Variants in CHST9 observed in about 807,000 individuals in gnomAD.
CHST9 encodes the protein carbohydrate sulfotransferase 9, also known as GalNAc-4-sulfotransferase 2.
In CHST9, 41 loss-of-function variants were observed where a neutral mutation model predicts 44.4. That is an observed-to-expected ratio of 0.92 (90% CI 0.72 to 1.20). The LOEUF (loss-of-function observed/expected upper bound fraction) is 1.20. Ranked by LOEUF, CHST9 falls within the 50% of genes most tolerant of loss-of-function variation. CHST9 has a pLI of 0.00. For synonymous variants in CHST9, 171 were observed against 178.4 expected, an observed-to-expected ratio of 0.96 and a Z score of 0.33; for missense variants, 504 against 516.5, an observed-to-expected ratio of 0.98 and a Z score of 0.23.
intron 2 of CHST9, among the ~76,000 whole-genome samples, chr18:27,097,456 T>C (rs2058128343): frequency 6.6e-6 from 1 of 151,954 alleles, no homozygotes; most frequent in Non-Finnish European, 1.5e-5. Context: ...AATCCAACTA[T>C]CTCTCTTTGT....
intron 2 of CHST9, among the ~76,000 whole-genome samples, chr18:27,057,881 G>T (rs1433368786): frequency 6.6e-6 from 1 of 152,152 alleles, no homozygotes; most frequent in African/African-American, 2.4e-5. Context: ...AGGTTGTCTT[G>T]GAAATTCCCA....
chr18:27,044,734 A>C (rs1236024484), intron 3 of CHST9, among the ~76,000 whole-genome samples: 1 of 152,068 alleles, frequency 6.6e-6, no homozygotes, highest in Non-Finnish European at 1.5e-5. Flanking sequence ...GAAATAGCCT[A>C]GAGAAAAATC....
At chr18:26,998,099 A>T (rs1399818585) in intron 4 of CHST9, among the ~76,000 whole-genome samples, 1 of 152,234 alleles carries the variant, frequency 6.6e-6, no homozygotes, top group East Asian at 1.9e-4. Flanking sequence ...CAGCTGAAGA[A>T]CAGCTTCTCA....
In CHST9 at chr18:27,058,314, A is replaced by G. The variant is rs116093951; in HGVS notation, c.122-9811T>C. ...CTTTGGTGTGTTTATTATATTGAGA[A>G]AAACTGGAATGAATTATTTTGTAAA... is the stretch of plus-strand genomic sequence containing the variant. On this transcript the variant is annotated intron_variant, in intron 2 of 5. Coordinates refer to ENST00000618847, the MANE Select transcript of CHST9 (RefSeq NM_031422.6). Among the ~76,000 whole-genome samples the G allele has an allele frequency of 6.0e-3, 921 of 152,294 alleles. 14 individuals are homozygous for G. The highest frequency in any genetic ancestry group is 0.021 in the African/African-American group (858 of 41,562).
intron 2 of CHST9, among the ~76,000 whole-genome samples, chr18:27,137,298 T>TTG (rs1359719984): frequency 1.7e-4 from 6 of 35,300 alleles, no homozygotes; most frequent in Admixed American, 6.7e-4. Flanking sequence ...ATTGATTTAT[T>TTG]TATATATGTG....
chr18:27,029,776 T>G (rs956097456), intron 3 of CHST9, among the ~76,000 whole-genome samples: 4 of 152,156 alleles, frequency 2.6e-5, no homozygotes, highest in African/African-American at 9.7e-5. Flanking sequence ...CAACCATGTT[T>G]TTTCCCCCAA....
chr18:26,964,285 T>C (rs1385063581), intron 4 of CHST9, among the ~76,000 whole-genome samples: 1 of 152,226 alleles, frequency 6.6e-6, no homozygotes, highest in African/African-American at 2.4e-5. Context: ...TAATTTTCAG[T>C]TGACGACCTT....
chr18:27,045,479 A>G (rs564262245), intron 3 of CHST9, among the ~76,000 whole-genome samples: 1 of 152,136 alleles, frequency 6.6e-6, no homozygotes, highest in African/African-American at 2.4e-5. Context: ...AATCTATGAA[A>G]TAGCTGATCT....
chr18:26,930,254 T>C (rs1291958691), intron 5 of CHST9, among the ~76,000 whole-genome samples: 1 of 152,216 alleles, frequency 6.6e-6, no homozygotes, highest in Non-Finnish European at 1.5e-5. Context: ...TATCAGATCA[T>C]GCCATGGGGA....
chr18:27,050,000 T>C lies in CHST9; in HGVS notation c.122-1497A>G, dbSNP rs1393063530. On this transcript the variant is annotated intron_variant, in intron 2 of 5. Coordinates refer to ENST00000618847, the MANE Select transcript of CHST9 (RefSeq NM_031422.6). ...AAAGTGCAGGCTCCGGTACCACAAA[T>C]CAAGTTTTAGAAGTATGGGGGTTTT... is the stretch of plus-strand genomic sequence containing the variant. Among the ~76,000 whole-genome samples, 5 of 152,116 alleles carry C rather than the reference T, an allele frequency of 3.3e-5. No individual in the cohort carries two copies. The East Asian group carries it at 9.6e-4, about 29-fold the overall frequency.
chr18:26,972,357 CAAAAAAAAAAAAAAAA>C (rs887066938), intron 4 of CHST9, among the ~76,000 whole-genome samples: 1 of 65,248 alleles, frequency 1.5e-5, no homozygotes, highest in African/African-American at 5.5e-5. Flanking sequence ...ACTCCAACTC[CAAAAAAAAAAAAAAAA>C]AAAAAAAAGG....
chr18:27,106,427 G>A (rs540525812), intron 2 of CHST9, among the ~76,000 whole-genome samples: 9 of 152,214 alleles, frequency 5.9e-5, no homozygotes, highest in East Asian at 3.9e-4. Flanking sequence ...GGATAAATTC[G>A]CCTACTAGCC....
chr18:26,943,753 A>G (rs163048), intron 5 of CHST9, among the ~76,000 whole-genome samples: 53,029 of 152,094 alleles, frequency 0.35, 9,918 homozygotes, highest in East Asian at 0.49. Flanking sequence ...AAACAGTTCT[A>G]TAGAAGGACA....
At chr18:27,060,473 T>C (rs948854856) in intron 2 of CHST9, among the ~76,000 whole-genome samples, 5 of 152,154 alleles carry the variant, frequency 3.3e-5, no homozygotes, top group Non-Finnish European at 7.4e-5. Context: ...GGAAGTAGGG[T>C]ACTCCAGGGA....
intron 2 of CHST9, among the ~76,000 whole-genome samples, chr18:27,077,944 T>C (rs2143669806): frequency 6.6e-6 from 1 of 152,072 alleles, no homozygotes; most frequent in South Asian, 2.1e-4. Context: ...GAAGCAAGCA[T>C]GTTTCCATGG....
intron 2 of CHST9, among the ~76,000 whole-genome samples, chr18:27,127,650 A>G (rs991848445): frequency 1.3e-5 from 2 of 152,218 alleles, no homozygotes; most frequent in East Asian, 1.9e-4. Context: ...GTTGTGCTTT[A>G]TTTTTAGACA....
chr18:27,114,992 T>G (rs2058307932), intron 2 of CHST9, among the ~76,000 whole-genome samples: 1 of 152,192 alleles, frequency 6.6e-6, no homozygotes, highest in Admixed American at 6.5e-5. Context: ...CCCCATGCTG[T>G]TCTCATGATA....
chr18:27,002,902 C>T (rs1482697411), intron 4 of CHST9, among the ~76,000 whole-genome samples: 1 of 152,040 alleles, frequency 6.6e-6, no homozygotes, highest in African/African-American at 2.4e-5. Context: ...ATGTTAATGG[C>T]AGAAATGTGA....
intron 4 of CHST9, among the ~76,000 whole-genome samples, chr18:27,007,551 T>C (rs1268545975): frequency 1.3e-5 from 2 of 151,998 alleles, no homozygotes; most frequent in East Asian, 1.9e-4. Context: ...GGAAAGAGGA[T>C]AGATTAAAAA....
Sources: gnomAD v4.1 joint callset for allele counts (sites outside exome capture counted in the v4.1 genomes callset) on GRCh38, gnomAD v4.1.1 for gene constraint, MANE v1.5 for transcripts, NCBI Gene and HGNC (gene_info 2026-07-23, HGNC 2026-07-21) for gene names.